The following PDE2A variants were observed in gnomAD, a reference collection of about 807,000 sequenced individuals.
PDE2A encodes the protein phosphodiesterase 2A.
Under a neutral mutation model 133.6 loss-of-function variants are expected in PDE2A, and 53 were observed. The observed-to-expected ratio is 0.40, with a 90% confidence interval of 0.32 to 0.50. The LOEUF is 0.50. PDE2A is among the 20% of genes least tolerant of loss of function. The pLI is 0.73. For missense variants in PDE2A, 796 were observed against 1,232.4 expected (o/e 0.65, Z 5.30); for synonymous variants, 491 against 490.2 (o/e 1.00, Z -0.02).
At chr11:72,668,550 T>G (rs1477762085) in intron 1 of PDE2A, 1 of 691,446 alleles carries the variant, frequency 1.4e-6, no homozygotes, top group Non-Finnish European at 2.6e-6. Flanking sequence ...TGCTTCACCT[T>G]TGGGCTCCAC....
At chr11:72,636,090 GA>G in intron 2 of PDE2A, 3 of 1,245,030 alleles carry the variant, frequency 2.4e-6, no homozygotes, top group African/African-American at 1.5e-5. Context: ...TGGGAGACAG[GA>G]AAGGCAGAAT....
intron 1 of PDE2A, among the ~76,000 whole-genome samples, chr11:72,662,728 T>C (rs1460771632): frequency 1.3e-5 from 2 of 152,118 alleles, no homozygotes; most frequent in Non-Finnish European, 2.9e-5. Context: ...CTGTCACCCC[T>C]CCTCTGGCCC....
In PDE2A at chr11:72,626,942, C is replaced by T. The variant is rs528787563; in HGVS notation, c.144+15312G>A. 5.3e-5 allele frequency among the ~76,000 whole-genome samples: 8 copies of T among 152,328 alleles called. No individual in the cohort carries two copies. The East Asian group carries it at 1.5e-3, about 29-fold the overall frequency. ...CTATCTGCTTTTTCCCAGTCCTGTTCTGGTCCTGGTTGTCCTTAGCTGCTG... is the reference window on the plus strand; with the variant it reads ...CTATCTGCTTTTTCCCAGTCCTGTTTTGGTCCTGGTTGTCCTTAGCTGCTG... On this transcript the variant is annotated intron_variant, in intron 2 of 30. Transcript: ENST00000334456.
intron 1 of PDE2A, chr11:72,668,950 C>A: frequency 1.0e-6 from 1 of 1,004,650 alleles, no homozygotes; most frequent in South Asian, 4.2e-5. Context: ...TCTCCAGGCC[C>A]CGCTAAATCT....
intron 2 of PDE2A, among the ~76,000 whole-genome samples, chr11:72,618,594 C>G (rs1214323099): frequency 1.3e-5 from 2 of 152,334 alleles, no homozygotes; most frequent in African/African-American, 2.4e-5. Context: ...TCTTTGCCCC[C>G]CTTCATGTGC....
At chr11:72,640,468 C>T (rs535067155) in intron 2 of PDE2A, among the ~76,000 whole-genome samples, 3 of 152,234 alleles carry the variant, frequency 2.0e-5, no homozygotes, top group African/African-American at 7.2e-5. Context: ...ACCTCAGACC[C>T]CTCAGCCCTG....
intron 4 of PDE2A, among the ~76,000 whole-genome samples, chr11:72,602,617 G>A (rs1055496701): frequency 2.0e-5 from 3 of 152,216 alleles, no homozygotes; most frequent in Non-Finnish European, 4.4e-5. Flanking sequence ...AAGGCCAGAA[G>A]AGAAGTCGTT....
chr11:72,645,641 C>G (rs1859111175), intron 1 of PDE2A, among the ~76,000 whole-genome samples: 1 of 152,170 alleles, frequency 6.6e-6, no homozygotes, highest in Non-Finnish European at 1.5e-5. Context: ...GTGAATGTCC[C>G]CCGGTGATTC....
intron 22 of PDE2A, 48 bp downstream of exon 22, chr11:72,581,829 A>C (rs758159295): frequency 1.3e-6 from 2 of 1,536,410 alleles, no homozygotes; most frequent in South Asian, 1.1e-5. Flanking sequence ...ATGTGACAGT[A>C]GAGGAAAGAG....
At chr11:72,593,279 T>C (rs1472998550) in intron 6 of PDE2A, among the ~76,000 whole-genome samples, 1 of 152,036 alleles carries the variant, frequency 6.6e-6, no homozygotes, top group Non-Finnish European at 1.5e-5. Context: ...CATTCATGCC[T>C]GTACACAGGA....
In PDE2A at chr11:72,598,695, G is replaced by A. The variant is rs1019561597; in HGVS notation, c.324-1076C>T. ...AAGGTCACATGAGGAAAAGGAGGGG[G>A]TGGCCTGCAAGTCACGAGATCACTA... On this transcript the variant is annotated intron_variant, in intron 4 of 30. Coordinates refer to ENST00000334456, the MANE Select transcript of PDE2A (RefSeq NM_002599.5). 2.3e-6 allele frequency: 3 copies of A among 1,282,552 alleles called. No homozygotes were observed. The African/African-American group carries it at 4.6e-5, about 20-fold the overall frequency. 79.4% of individuals were successfully genotyped at this position (1,282,552 alleles called of 1,614,324 possible). A position where few individuals can be genotyped will look rare whatever the true frequency, so the allele number is the denominator to read the frequency against.
rs562928839 is a variant in PDE2A, at chr11:72,634,102, A to G, written c.144+8152T>C. Among the ~76,000 whole-genome samples, 14 of 152,336 alleles carry G rather than the reference A, an allele frequency of 9.2e-5. No individual in the cohort carries two copies. In the East Asian group the frequency reaches 2.5e-3, roughly 27 times the overall value. ...GAGAGGCTTAAACCCAGAGAGCGCC[A>G]GAGACGAGACCTCACGGGGATGGGG... On this transcript the variant is annotated intron_variant, in intron 2 of 30. Coordinates refer to ENST00000334456, the MANE Select transcript of PDE2A (RefSeq NM_002599.5).
intron 1 of PDE2A, chr11:72,652,471 C>T: frequency 2.2e-6 from 1 of 454,616 alleles, no homozygotes; most frequent in Non-Finnish European, 4.4e-6. Context: ...TCCCTAAATA[C>T]TCCAGCATAT....
chr11:72,612,525 C>T lies in PDE2A; in HGVS notation c.145-3774G>A, dbSNP rs1196769075. 3.3e-5 allele frequency among the ~76,000 whole-genome samples: 5 copies of T among 152,166 alleles called. No individual in the cohort carries two copies. In the East Asian group the frequency reaches 7.7e-4, roughly 23 times the overall value. ...AGTTCTGTGTGGCCTTACGCAACAC[C>T]TTTCCTCTTCTGAGCCTCAGTTTTG... On this transcript the variant is annotated intron_variant, in intron 2 of 30. Transcript: ENST00000334456.
chr11:72,577,273 G>A lies in PDE2A; in HGVS notation c.*111C>T, dbSNP rs1198617201. On this transcript the variant is annotated 3_prime_UTR_variant, in exon 31 of 31. Coordinates refer to ENST00000334456, the MANE Select transcript of PDE2A (RefSeq NM_002599.5). ...GGTAGTACTTGTCCAGGGTCACACA[G>A]GAAGTCCTGGTCTAGGACCCAGGAC... 1 of 731,762 alleles carries A rather than the reference G, an allele frequency of 1.4e-6. No homozygotes were observed. Among genetic ancestry groups the A allele is most frequent in the Non-Finnish European group, 2.3e-6 (1 of 441,336 alleles). The allele number at this position is 731,762 out of a possible 1,614,324, so 45.3% of individuals were successfully genotyped here. A position where few individuals can be genotyped will look rare whatever the true frequency, so the allele number is the denominator to read the frequency against.
intron 2 of PDE2A, among the ~76,000 whole-genome samples, chr11:72,636,328 TACTC>T (rs534529646): frequency 1.8e-3 from 272 of 152,398 alleles, no homozygotes; most frequent in African/African-American, 6.3e-3. Context: ...TTTACATTTT[TACTC>T]ATTTTGGAAT....
rs190852428 is a variant in PDE2A, at chr11:72,658,215, G to A, written c.72-15889C>T. On this transcript the variant is annotated intron_variant, in intron 1 of 30. Coordinates refer to ENST00000334456, the MANE Select transcript of PDE2A (RefSeq NM_002599.5). ...TTCTCTGAACTGCCAGCAATGGTGGGTGAGGGTTCTGGTCTCCCCCATCAG... is the reference window on the plus strand; with the variant it reads ...TTCTCTGAACTGCCAGCAATGGTGGATGAGGGTTCTGGTCTCCCCCATCAG... 3.0e-5 allele frequency: 13 copies of A among 436,700 alleles called. No homozygotes were observed. In the East Asian group the frequency reaches 9.1e-4, roughly 31 times the overall value. 27.1% of individuals were successfully genotyped at this position (436,700 alleles called of 1,614,324 possible).
chr11:72,594,827 C>A (rs771971089), intron 6 of PDE2A, among the ~76,000 whole-genome samples: 3 of 152,168 alleles, frequency 2.0e-5, no homozygotes, highest in Non-Finnish European at 4.4e-5. Context: ...GATGAGGTAC[C>A]ACTTGCTGCT....
chr11:72,640,208 C>G (rs1459733805), intron 2 of PDE2A, among the ~76,000 whole-genome samples: 1 of 152,124 alleles, frequency 6.6e-6, no homozygotes, highest in Non-Finnish European at 1.5e-5. Context: ...CTCACCTCCC[C>G]AGCCACAGGT....
Sources: gnomAD v4.1 joint callset for allele counts (sites outside exome capture counted in the v4.1 genomes callset) on GRCh38, gnomAD v4.1.1 for gene constraint, MANE v1.5 for transcripts, NCBI Gene and HGNC (gene_info 2026-07-23, HGNC 2026-07-21) for gene names.